The following TNRC18 variants were observed in gnomAD, a reference collection of about 807,000 sequenced individuals.
TNRC18 encodes the protein trinucleotide repeat-containing gene 18 protein.
In TNRC18, 69 loss-of-function variants were observed where a neutral mutation model predicts 226.7. That is an observed-to-expected ratio of 0.30 (90% CI 0.25 to 0.37). The LOEUF is 0.37. Among genes scored for constraint, TNRC18 ranks in the 10% least tolerant of loss-of-function variants. TNRC18 has a pLI of 1.00. For missense variants in TNRC18, 4,754 were observed against 4,256.6 expected (o/e 1.12, Z -3.25); for synonymous variants, 2,449 against 1,927.6 (o/e 1.27, Z -7.09).
chr7:5,353,242 G>A (rs1348770776), intron 16 of TNRC18, among the ~76,000 whole-genome samples: 1 of 152,208 alleles, frequency 6.6e-6, no homozygotes, highest in Admixed American at 6.5e-5. Context: ...CCTCCTACAA[G>A]AACCCACAGG....
intron 14 of TNRC18, among the ~76,000 whole-genome samples, chr7:5,361,318 C>T (rs1038749118): frequency 1.3e-5 from 2 of 152,190 alleles, no homozygotes; most frequent in Admixed American, 1.3e-4. Flanking sequence ...AGGCCCTAGG[C>T]GTGAGGAGGC....
chr7:5,307,368 G>C lies in TNRC18; in HGVS notation c.*738C>G. 1 of 278,198 alleles carries C rather than the reference G, an allele frequency of 3.6e-6. No individual in the cohort carries two copies. The highest frequency in any genetic ancestry group is 7.3e-6 in the Non-Finnish European group (1 of 137,466). The allele number at this position is 278,198 out of a possible 1,614,324, so 17.2% of individuals were successfully genotyped here. ...CTCTTGGTACAATAAAACTGTACAG[G>C]TTAAGAAGTGCCACCTCCCTCCTGG... On this transcript the variant is annotated 3_prime_UTR_variant, in exon 30 of 30. Transcript: ENST00000430969.
rs1191080407 is a variant in TNRC18 at position 5,307,577 on chromosome 7, G to A, written c.*529C>T. On this transcript the variant is annotated 3_prime_UTR_variant, in exon 30 of 30. Transcript: ENST00000430969. Reference sequence around the variant, plus strand: ...AGTCTAGGCCATCCTGAGAGGGTGGGGGCAGGGCCCCTGGCACAGTCAGGT... The same window carrying A: ...AGTCTAGGCCATCCTGAGAGGGTGGAGGCAGGGCCCCTGGCACAGTCAGGT... The A allele has an allele frequency of 4.5e-6, 2 of 448,504 alleles. No individual in the cohort carries two copies. Among genetic ancestry groups the A allele is most frequent in the Non-Finnish European group, 8.9e-6 (2 of 223,486 alleles). 27.8% of individuals were successfully genotyped at this position (448,504 alleles called of 1,614,324 possible).
At chr7:5,339,432 C>A (rs953906496) in intron 18 of TNRC18, among the ~76,000 whole-genome samples, 4 of 151,640 alleles carry the variant, frequency 2.6e-5, no homozygotes, top group African/African-American at 9.7e-5. Flanking sequence ...TACAGATGGG[C>A]TTTCACCATG....
In TNRC18 at chr7:5,312,478, C is replaced by T. The variant is rs868306944; in HGVS notation, c.8388+25G>A. ...GACACAAGGCCCCCGGCCCCTCGGCCGTGCCCGGGCGCGAGCTTGCTCACC... is the reference window on the plus strand; with the variant it reads ...GACACAAGGCCCCCGGCCCCTCGGCTGTGCCCGGGCGCGAGCTTGCTCACC... On this transcript the variant is annotated intron_variant, in intron 27 of 29. Transcript: ENST00000430969. This position sits in a 1 kb window ranked among gnomAD's most constrained non-coding sequence, Gnocchi z 6.3. 1.0e-5 allele frequency: 16 copies of T among 1,606,548 alleles called. No individual in the cohort carries two copies. Among genetic ancestry groups the T allele is most frequent in the Middle Eastern group, 2.2e-4 (1 of 4,508 alleles).
At chr7:5,421,748 C>G (rs1001965494) in intron 1 of TNRC18, among the ~76,000 whole-genome samples, 1 of 152,168 alleles carries the variant, frequency 6.6e-6, no homozygotes, top group Non-Finnish European at 1.5e-5. Flanking sequence ...CGCCCCAGCC[C>G]GGACTCTGCC....
chr7:5,351,625 A>G (rs1791823793), intron 17 of TNRC18, among the ~76,000 whole-genome samples, 194 bp downstream of exon 17: 1 of 152,220 alleles, frequency 6.6e-6, no homozygotes, highest in Non-Finnish European at 1.5e-5. Flanking sequence ...AAATCAAAGC[A>G]AAAATCAAAA....
intron 27 of TNRC18, among the ~76,000 whole-genome samples, chr7:5,311,500 G>A (rs1787201796): frequency 6.6e-6 from 1 of 152,210 alleles, no homozygotes. Flanking sequence ...AGGAGCCCGG[G>A]GCGTGGCTGG....
At position 5,374,493 on chromosome 7, in the gene TNRC18, G is replaced by A. The variant is rs906968468; in HGVS notation, c.2800-9C>T. The A allele has an allele frequency of 8.4e-6, 13 of 1,542,208 alleles. No homozygotes were observed. Among genetic ancestry groups the A allele is most frequent in the Middle Eastern group, 3.6e-4 (2 of 5,558 alleles). ...GCCTTCAACCGCTCCTGCTGGGAAG[G>A]GGCCGGCAGGCAGGGTCAGCACGGC... On this transcript the variant is annotated splice_polypyrimidine_tract_variant and intron_variant, in intron 9 of 29. Transcript: ENST00000430969.
At chr7:5,362,598 TCC>T (rs34085375) in intron 12 of TNRC18, 50 bp downstream of exon 12, 2 of 1,471,780 alleles carry the variant, frequency 1.4e-6, no homozygotes, top group Non-Finnish European at 1.8e-6. Flanking sequence ...CAGAGGGGCC[TCC>T]CACCCAGCCT....
Position 5,377,334 on chromosome 7 carries a change from CT to C in TNRC18, c.2461+36del. The C allele has an allele frequency of 1.3e-5, 18 of 1,384,064 alleles. No homozygotes were observed. The highest frequency in any genetic ancestry group is 1.6e-5 in the Non-Finnish European group (16 of 1,023,466). 85.7% of individuals were successfully genotyped at this position (1,384,064 alleles called of 1,614,324 possible). On this transcript the variant is annotated intron_variant, in intron 7 of 29. Transcript: ENST00000430969. The surrounding 1 kb of genome is among the most constrained non-coding windows in gnomAD (Gnocchi z 5.8). ...TGCACCCGCCCCCTCCCACCCCTCCCTCAGAGAAGGGGAGAGACCCTGTGCC... is the reference window on the plus strand; with the variant it reads ...TGCACCCGCCCCCTCCCACCCCTCCCCAGAGAAGGGGAGAGACCCTGTGCC...
intron 16 of TNRC18, among the ~76,000 whole-genome samples, chr7:5,354,310 G>A (rs1466522845): frequency 6.6e-6 from 1 of 151,948 alleles, no homozygotes; most frequent in African/African-American, 2.4e-5. Context: ...AGACATCAGA[G>A]ACAGAGCACA....
chr7:5,344,943 T>G (rs1259212352), intron 18 of TNRC18, among the ~76,000 whole-genome samples: 3 of 152,086 alleles, frequency 2.0e-5, no homozygotes, highest in Admixed American at 2.0e-4. Context: ...CCTGCCCAAG[T>G]GTGAGTGCCT....
At chr7:5,406,203 G>A (rs185163860) in intron 2 of TNRC18, among the ~76,000 whole-genome samples, 14 of 152,274 alleles carry the variant, frequency 9.2e-5, no homozygotes, top group South Asian at 2.1e-4. Flanking sequence ...AGTGGCTCAC[G>A]CCTGTAATCC....
chr7:5,307,486 G>A lies in TNRC18; in HGVS notation c.*620C>T, dbSNP rs1445359254. On this transcript the variant is annotated 3_prime_UTR_variant, in exon 30 of 30. Coordinates refer to ENST00000430969, the MANE Select transcript of TNRC18 (RefSeq NM_001080495.3). ...TTTGGACCAGGGTGGGCCTGTGCCG[G>A]GCCCTCTCCACCTGGTGCCTTTGAC... 1.4e-5 allele frequency: 6 copies of A among 443,008 alleles called. No individual in the cohort carries two copies. Among genetic ancestry groups the A allele is most frequent in the Admixed American group, 2.4e-5 (1 of 41,278 alleles). 27.4% of individuals were successfully genotyped at this position (443,008 alleles called of 1,614,324 possible).
At position 5,361,983 on chromosome 7, in the gene TNRC18, G is replaced by A. The variant is rs778022246; in HGVS notation, c.4446C>T (p.Asp1482=). The A allele has an allele frequency of 1.2e-6, 2 of 1,613,582 alleles. No homozygotes were observed. Among genetic ancestry groups the A allele is most frequent in the Non-Finnish European group, 1.7e-6 (2 of 1,179,796 alleles). Residue 1482 remains aspartate (D), a synonymous_variant, in exon 13 of 30, where the codon GAC becomes GAT. Transcript: ENST00000430969. ...SLEDMDALEL[D]FRMRLAEVQR... ...GCACCTCGGCCAGCCGCATCCGGAA[G>A]TCCAGCTCCAGGGCGTCCATGTCCT...
At chr7:5,414,382 T>C (rs1432434847) in intron 2 of TNRC18, among the ~76,000 whole-genome samples, 1 of 151,784 alleles carries the variant, frequency 6.6e-6, no homozygotes, top group African/African-American at 2.4e-5. Flanking sequence ...GTAGACTCTA[T>C]GTCCCTTGCC....
At chr7:5,364,804 GAA>G (rs778909525) in intron 11 of TNRC18, among the ~76,000 whole-genome samples, 1,229 of 88,190 alleles carry the variant, frequency 0.014, 16 homozygotes, top group South Asian at 0.078. Context: ...GCTGTCTCAG[GAA>G]AAAAAAAAAA....
chr7:5,322,999 AAAC>A (rs937898947), intron 21 of TNRC18, among the ~76,000 whole-genome samples: 4 of 152,158 alleles, frequency 2.6e-5, no homozygotes, highest in African/African-American at 4.8e-5. Flanking sequence ...CTGGCAGGAT[AAAC>A]AACACACGCA....
Sources: gnomAD v4.1 joint callset for allele counts (sites outside exome capture counted in the v4.1 genomes callset) on GRCh38, gnomAD v4.1.1 for gene constraint, Gnocchi (gnomAD v3.1) non-coding constraint, MANE v1.5 for transcripts, NCBI Gene and HGNC (gene_info 2026-07-23, HGNC 2026-07-21) for gene names.